The following KCNAB1 variants were observed in gnomAD, a reference collection of about 807,000 sequenced individuals.
The protein encoded by KCNAB1 is potassium voltage-gated channel subfamily A regulatory beta subunit 1.
In KCNAB1, 35 loss-of-function variants were observed where a neutral mutation model predicts 64.6. The observed-to-expected ratio is 0.54, with a 90% confidence interval of 0.41 to 0.72. KCNAB1 has a LOEUF of 0.72. Ranked by LOEUF, KCNAB1 falls within the 30% of genes least tolerant of loss-of-function variation. The pLI, the probability that KCNAB1 is intolerant of heterozygous loss-of-function variation, is 0.00. For synonymous variants in KCNAB1, 177 were observed against 183.8 expected, an observed-to-expected ratio of 0.96 and a Z score of 0.30; for missense variants, 401 against 512.9, an observed-to-expected ratio of 0.78 and a Z score of 2.11.
intron 5 of KCNAB1, 61 bp from the exon 6 acceptor site, chr3:156,463,641 A>G (rs949414120): frequency 4.0e-6 from 5 of 1,258,532 alleles, no homozygotes; most frequent in Non-Finnish European, 5.7e-6. Flanking sequence ...TAATAATATG[A>G]CTCGGTACAA....
At chr3:156,457,358 G>C in intron 3 of KCNAB1, 95 bp from the exon 4 acceptor site, 1 of 1,581,812 alleles carries the variant, frequency 6.3e-7, no homozygotes, top group Non-Finnish European at 8.6e-7. Flanking sequence ...GTTAGTGAGA[G>C]GTCAGTGTTC....
intron 1 of KCNAB1, chr3:156,142,880 G>T (rs1714782430): frequency 3.2e-6 from 2 of 618,180 alleles, no homozygotes; most frequent in Non-Finnish European, 4.2e-6. Context: ...TTTTTCCCCA[G>T]GGCCAGTACA....
At chr3:156,255,852 T>G (rs1478063159) in intron 1 of KCNAB1, among the ~76,000 whole-genome samples, 2 of 152,246 alleles carry the variant, frequency 1.3e-5, no homozygotes, top group African/African-American at 4.8e-5. Context: ...GTATGTCATT[T>G]TGCCCTATAT....
At chr3:156,171,103 G>T (rs1384337999) in intron 1 of KCNAB1, among the ~76,000 whole-genome samples, 3 of 151,244 alleles carry the variant, frequency 2.0e-5, no homozygotes, top group Admixed American at 1.3e-4. Context: ...GCTACACAAG[G>T]ATAAGAATTT....
intron 8 of KCNAB1, among the ~76,000 whole-genome samples, chr3:156,484,390 C>T (rs1009720493): frequency 2.6e-5 from 4 of 152,006 alleles, no homozygotes; most frequent in African/African-American, 9.7e-5. Flanking sequence ...AGAGGGAGAA[C>T]AGAGAGTGCT....
chr3:156,282,089 T>C (rs1719762212), intron 1 of KCNAB1, among the ~76,000 whole-genome samples: 2 of 150,256 alleles, frequency 1.3e-5, no homozygotes, highest in African/African-American at 5.0e-5. Flanking sequence ...TCCTGCTTTC[T>C]CTTGTGGGCA....
intron 1 of KCNAB1, among the ~76,000 whole-genome samples, chr3:156,242,335 T>G (rs1316876445): frequency 6.6e-6 from 1 of 152,194 alleles, no homozygotes; most frequent in Non-Finnish European, 1.5e-5. Flanking sequence ...CAGGTGATAT[T>G]TGGTTACATG....
chr3:156,428,485 CTA>C (rs1340542821), intron 2 of KCNAB1, among the ~76,000 whole-genome samples: 30 of 87,908 alleles, frequency 3.4e-4, no homozygotes, highest in African/African-American at 1.5e-4. Flanking sequence ...TATAATTCCT[CTA>C]TACACACACA....
chr3:156,182,740 C>T (rs907736882), intron 1 of KCNAB1, among the ~76,000 whole-genome samples: 15 of 148,294 alleles, frequency 1.0e-4, no homozygotes, highest in Middle Eastern at 3.2e-3. Context: ...CTCTGTTGCC[C>T]GGGGTTGGAG....
chr3:156,256,676 T>G (rs1718117296), intron 1 of KCNAB1, among the ~76,000 whole-genome samples: 1 of 149,142 alleles, frequency 6.7e-6, no homozygotes, highest in African/African-American at 2.5e-5. Flanking sequence ...AGAGAAAATG[T>G]AGCTTAAGTA....
At chr3:156,400,930 C>T (rs114985467) in intron 1 of KCNAB1, among the ~76,000 whole-genome samples, 1,653 of 152,302 alleles carry the variant, frequency 0.011, 18 homozygotes, top group Non-Finnish European at 0.017. Context: ...ATTTACTTGT[C>T]CTCCCTGCCT....
chr3:156,278,742 G>A (rs1051540818), intron 1 of KCNAB1, among the ~76,000 whole-genome samples: 1 of 151,942 alleles, frequency 6.6e-6, no homozygotes, highest in African/African-American at 2.4e-5. Context: ...GCCTGTAAGT[G>A]AGCATCAAAA....
intron 1 of KCNAB1, among the ~76,000 whole-genome samples, chr3:156,135,209 C>G (rs1407980663): frequency 6.6e-6 from 1 of 152,032 alleles, no homozygotes; most frequent in East Asian, 1.9e-4. Context: ...GTTGGCCAGG[C>G]TGATCTCAAA....
At chr3:156,489,398 A>C (rs569598399) in intron 8 of KCNAB1, among the ~76,000 whole-genome samples, 1 of 151,254 alleles carries the variant, frequency 6.6e-6, no homozygotes. Context: ...GTCAAGTAAG[A>C]TGAAGACGGG....
In KCNAB1 at chr3:156,368,461, C is replaced by G. The variant is rs577225426; in HGVS notation, c.276-53155C>G. Among the ~76,000 whole-genome samples the G allele has an allele frequency of 4.6e-5, 7 of 152,300 alleles. No individual in the cohort carries two copies. The South Asian group carries it at 6.2e-4, about 14-fold the overall frequency. On this transcript the variant is annotated intron_variant, in intron 1 of 13. Transcript: ENST00000490337. ...TGTTTTTTAGAGACAGGGTCTCTCTCTGTTGCCCAGGCTGTAGTGTAGGTG... is the reference window on the plus strand; with the variant it reads ...TGTTTTTTAGAGACAGGGTCTCTCTGTGTTGCCCAGGCTGTAGTGTAGGTG...
intron 1 of KCNAB1, among the ~76,000 whole-genome samples, chr3:156,324,207 T>G (rs966782070): frequency 1.1e-4 from 16 of 152,216 alleles, no homozygotes; most frequent in Admixed American, 6.5e-4. Context: ...AGCATCTTTT[T>G]TAGCTGAATG....
chr3:156,291,363 G>A (rs948997278), intron 1 of KCNAB1: 3 of 994,148 alleles, frequency 3.0e-6, no homozygotes, highest in Non-Finnish European at 3.6e-6. Flanking sequence ...GAGGGGACCC[G>A]CTTGCGATTA....
intron 1 of KCNAB1, among the ~76,000 whole-genome samples, chr3:156,162,044 T>C (rs1716112939): frequency 6.6e-6 from 1 of 152,240 alleles, no homozygotes; most frequent in African/African-American, 2.4e-5. Context: ...GGTCTTGATA[T>C]TGAAAGCATT....
At chr3:156,477,688 C>T (rs114263172) in intron 8 of KCNAB1, among the ~76,000 whole-genome samples, 1,985 of 152,246 alleles carry the variant, frequency 0.013, 48 homozygotes, top group African/African-American at 0.045. Flanking sequence ...ACTGGAACAA[C>T]CAGAGTTTGA....
Sources: gnomAD v4.1 joint callset for allele counts (sites outside exome capture counted in the v4.1 genomes callset) on GRCh38, gnomAD v4.1.1 for gene constraint, MANE v1.5 for transcripts, NCBI Gene and HGNC (gene_info 2026-07-23, HGNC 2026-07-21) for gene names.